Variants in KRT2 observed in about 807,000 individuals in gnomAD.
KRT2 encodes keratin, type II cytoskeletal 2 epidermal.
In KRT2, 37 loss-of-function variants were observed where a neutral mutation model predicts 48.5. That is an observed-to-expected ratio of 0.76 (90% CI 0.59 to 1.00). The LOEUF (loss-of-function observed/expected upper bound fraction) is 1.00. Among genes scored for constraint, KRT2 ranks in the 50% least tolerant of loss-of-function variants. KRT2 has a pLI of 0.00. For synonymous variants in KRT2, 324 were observed against 312.2 expected (o/e 1.04, Z -0.40); for missense variants, 880 against 815.2 (o/e 1.08, Z -0.97).
rs764057322 is a variant in KRT2, at chr12:52,650,480, G to T, written c.659C>A (p.Thr220Asn). The T allele has an allele frequency of 1.2e-6, 2 of 1,613,922 alleles. No homozygotes were observed. The highest frequency in any genetic ancestry group is 2.2e-5 in the South Asian group (2 of 91,066). ...GATGGGCTCCAGGTTGATGGGGCGG[G>T]TGCCAACATTCATTTGTTGTAGCAG... The part of the protein sequence containing the change: ...WELLQQMNVG[T>N]RPINLEPIFQ... The change falls in exon 2 of 9, where the codon ACC (threonine) becomes AAC (asparagine). Residue 220 changes from threonine (T) to asparagine (N), a missense_variant. Physicochemically the swap from Thr to Asn is moderately conservative, Grantham distance 65. Coordinates refer to ENST00000309680, the MANE Select transcript of KRT2 (RefSeq NM_000423.3).
At chr12:52,645,459 C>T in intron 8 of KRT2, 25 bp from the exon 9 acceptor site, 1 of 1,614,192 alleles carries the variant, frequency 6.2e-7, no homozygotes, top group Non-Finnish European at 8.5e-7. Flanking sequence ...GGTGTTACCA[C>T]AGAGATTATG....
Position 52,644,850 on chromosome 12 carries a change from GAGA to G in KRT2, c.*166_*168del, listed in dbSNP as rs1288474788. 19 of 709,196 alleles carry G rather than the reference GAGA, an allele frequency of 2.7e-5. No homozygotes were observed. The highest frequency in any genetic ancestry group is 4.5e-5 in the Non-Finnish European group (19 of 424,376). 43.9% of individuals were successfully genotyped at this position (709,196 alleles called of 1,614,324 possible). ...ACTGGCTCTAACTAACTGGTTTGGA[GAGA>G]AGATCTTTCAAAAACTGTATGTGGA... On this transcript the variant is annotated 3_prime_UTR_variant, in exon 9 of 9. Transcript: ENST00000309680.
chr12:52,651,828 G>A lies in KRT2; in HGVS notation c.315C>T (p.Gly105=), dbSNP rs1565640838. ...CGAAACCACCACCACTGAAGCCGCT[G>A]CCACCTCCAAAGCTGCTGCCGCCTC... ...GFGGGSSFGG[G]SGFSGGGFGG... is the part of the protein sequence containing the mutation. The change falls in exon 1 of 9, where the codon GGC becomes GGT. Residue 105 remains glycine, a synonymous_variant. Transcript: ENST00000309680. 6.2e-7 allele frequency: 1 copy of A among 1,602,686 alleles called. No individual in the cohort carries two copies. Among genetic ancestry groups the A allele is most frequent in the Non-Finnish European group, 8.5e-7 (1 of 1,173,506 alleles).
chr12:52,648,115 G>A, intron 5 of KRT2, 58 bp downstream of exon 5: 2 of 1,573,942 alleles, frequency 1.3e-6, no homozygotes, highest in African/African-American at 1.3e-5. Flanking sequence ...TTCCAGCTGG[G>A]GGTGCAACCC....
rs1341771424 is a variant in KRT2 at position 52,646,909 on chromosome 12, C to T, written c.1300G>A (p.Ala434Thr). 3 of 1,614,202 alleles carry T rather than the reference C, an allele frequency of 1.9e-6. No homozygotes were observed. The East Asian group carries it at 6.7e-5, about 36-fold the overall frequency. The change falls in exon 7 of 9, where the codon GCC becomes ACC. Residue 434 changes from alanine (A) to threonine (T), a missense_variant. Transcript: ENST00000309680. Reference sequence around the variant, plus strand: ...AACTTGTTCCTGGCATCCTTGAGGGCATGCTCCCCACGCTGCTCGGCATCT... The same window carrying T: ...AACTTGTTCCTGGCATCCTTGAGGGTATGCTCCCCACGCTGCTCGGCATCT... ...IADAEQRGEH[A>T]LKDARNKLND...
At position 52,651,965 on chromosome 12, in the gene KRT2, T is replaced by A. The variant is rs1941259989; in HGVS notation, c.178A>T (p.Ser60Cys). ...GGGFGGGGFG[S>C]RSLVGLGGTK... ...CCTCCAAGGCCAACAAGACTCCGACTGCCAAAGCCGCCTCCACCGAAGCCC... is the reference window on the plus strand; with the variant it reads ...CCTCCAAGGCCAACAAGACTCCGACAGCCAAAGCCGCCTCCACCGAAGCCC... The change falls in exon 1 of 9, where the codon AGT (serine) becomes TGT (cysteine). Residue 60 changes from serine to cysteine, a missense_variant. By Grantham distance (112) the Ser-to-Cys change is moderately radical. Transcript: ENST00000309680. 6.2e-7 allele frequency: 1 copy of A among 1,613,094 alleles called. No individual in the cohort carries two copies. The highest frequency in any genetic ancestry group is 1.7e-5 in the Admixed American group (1 of 59,944).
chr12:52,651,758 G>A lies in KRT2; in HGVS notation c.385C>T (p.Pro129Ser), dbSNP rs1157727630. 4 of 1,613,518 alleles carry A rather than the reference G, an allele frequency of 2.5e-6. No individual in the cohort carries two copies. The highest frequency in any genetic ancestry group is 3.4e-6 in the Non-Finnish European group (4 of 1,179,818). ...GGGRFGGFGG[P>S]GGVGGLGGPG... is the part of the protein sequence containing the mutation. ...CCCCCTAAACCTCCAACACCACCAG[G>A]GCCCCCAAAACCTCCAAAGCGGCCT... is the stretch of plus-strand genomic sequence containing the variant. The change falls in exon 1 of 9, where the codon CCT becomes TCT. Residue 129 changes from proline (P) to serine (S), a missense_variant. Pro to Ser is a moderately conservative substitution (Grantham distance 74, BLOSUM62 -1). Transcript: ENST00000309680.
chr12:52,645,676 GC>G, intron 7 of KRT2, 107 bp from the exon 8 acceptor site: 1 of 1,125,276 alleles, frequency 8.9e-7, no homozygotes, highest in Non-Finnish European at 1.4e-6. Context: ...TCTCTAAGCA[GC>G]CACCAGGGCT....
rs533615176 is a variant in KRT2 at position 52,646,390 on chromosome 12, G to C, written c.1469+350C>G. On this transcript the variant is annotated intron_variant, in intron 7 of 8. Coordinates refer to ENST00000309680, the MANE Select transcript of KRT2 (RefSeq NM_000423.3). ...CCCATTCTGGGTCACCCGGTGGAGGGCACAGAAGCCACTCACCCTATGGAC... is the reference window on the plus strand; with the variant it reads ...CCCATTCTGGGTCACCCGGTGGAGGCCACAGAAGCCACTCACCCTATGGAC... 2.0e-5 allele frequency among the ~76,000 whole-genome samples: 3 copies of C among 152,328 alleles called. No individual in the cohort carries two copies. The East Asian group carries it at 5.8e-4, about 29-fold the overall frequency.
chr12:52,648,020 G>A (rs1392653571), intron 5 of KRT2, among the ~76,000 whole-genome samples, 153 bp downstream of exon 5: 1 of 152,170 alleles, frequency 6.6e-6, no homozygotes, highest in Non-Finnish European at 1.5e-5. Flanking sequence ...ATGCCCAAAA[G>A]GACTTGGTGC....
In KRT2 at chr12:52,645,546, T is replaced by C. The variant is rs748496878; in HGVS notation, c.1493A>G (p.Asn498Ser). The C allele has an allele frequency of 1.9e-6, 3 of 1,614,198 alleles. No homozygotes were observed. Among genetic ancestry groups the C allele is most frequent in the Admixed American group, 3.3e-5 (2 of 60,030 alleles). ...ECRMSGDLSS[N>S]VTVSVTSSTI... ...ACCCCATTACTTACACACAGTCACA[T>C]TGCTGCTGAGGTCTCCAGACATCCT... is the stretch of plus-strand genomic sequence containing the variant. The change falls in exon 8 of 9, where the codon AAT (asparagine) becomes AGT (serine). Residue 498 changes from asparagine (N) to serine (S), a missense_variant. Physicochemically the swap from Asn to Ser is conservative, Grantham distance 46 (BLOSUM62 1). Coordinates refer to ENST00000309680, the MANE Select transcript of KRT2 (RefSeq NM_000423.3).
chr12:52,650,530 G>T lies in KRT2; in HGVS notation c.609C>A (p.Asn203Lys). The T allele has an allele frequency of 6.2e-7, 1 of 1,612,512 alleles. No homozygotes were observed. The highest frequency in any genetic ancestry group is 8.5e-7 in the Non-Finnish European group (1 of 1,179,938). Residue 203 changes from asparagine (N) to lysine (K), a missense_variant, in exon 2 of 9, where the codon AAC (asparagine) becomes AAA (lysine). Asn to Lys is a moderately conservative substitution (Grantham distance 94, BLOSUM62 0). Coordinates refer to ENST00000309680, the MANE Select transcript of KRT2 (RefSeq NM_000423.3). ...GCTCCCATTTGGTCTGTAACACCTG[G>T]TTCTGCTGCTCCAAGAACCGCACCT... ...IDKVRFLEQQNQVLQTKWELL... is the reference protein window; with the variant it reads ...IDKVRFLEQQKQVLQTKWELL...
intron 1 of KRT2, among the ~76,000 whole-genome samples, 178 bp downstream of exon 1, chr12:52,651,380 T>G (rs958290784): frequency 6.6e-6 from 1 of 152,222 alleles, no homozygotes; most frequent in African/African-American, 2.4e-5. Flanking sequence ...TGCAGGCTGT[T>G]ATGGGAAATG....
chr12:52,651,861 A>G lies in KRT2; in HGVS notation c.282T>C (p.Gly94=), dbSNP rs765709207. The change falls in exon 1 of 9, where the codon GGT becomes GGC. Residue 94 remains glycine, a synonymous_variant. Coordinates refer to ENST00000309680, the MANE Select transcript of KRT2 (RefSeq NM_000423.3). The part of the protein sequence containing the change: ...GAAGGFGGRG[G]GFGGGSSFGG... ...CAAAGCTGCTGCCGCCTCCAAAACC[A>G]CCTCCTCTGCCACCAAATCCACCAG... The G allele has an allele frequency of 2.5e-5, 30 of 1,194,692 alleles. No individual in the cohort carries two copies. Among genetic ancestry groups the G allele is most frequent in the South Asian group, 7.1e-5 (5 of 70,604 alleles). The allele number at this position is 1,194,692 out of a possible 1,614,324, so 74.0% of individuals were successfully genotyped here.
At chr12:52,646,225 A>G (rs1311754577) in intron 7 of KRT2, among the ~76,000 whole-genome samples, 2 of 152,214 alleles carry the variant, frequency 1.3e-5, no homozygotes, top group Non-Finnish European at 2.9e-5. Flanking sequence ...GTCTCAGACT[A>G]CAGAGGAAGC....
In KRT2 at chr12:52,645,276, C is replaced by T. The variant is rs1334450226; in HGVS notation, c.1663G>A (p.Gly555Arg). ...QSGSRGGSGG[G>R]GSISGGGYGS... ...TATCCTCCTCCAGAGATAGAACCTC[C>T]TCCTCCACTACCGCCTCTGGAGCCA... is the stretch of plus-strand genomic sequence containing the variant. The change falls in exon 9 of 9, where the codon GGA becomes AGA. Residue 555 changes from glycine to arginine, a missense_variant. Transcript: ENST00000309680. The T allele has an allele frequency of 1.2e-6, 2 of 1,614,182 alleles. No individual in the cohort carries two copies. The highest frequency in any genetic ancestry group is 3.3e-5 in the Admixed American group (2 of 60,022).
At chr12:52,650,682 AT>A in intron 1 of KRT2, 129 bp from the exon 2 acceptor site, 1 of 773,492 alleles carries the variant, frequency 1.3e-6, no homozygotes. Context: ...ATGCCGAGTC[AT>A]GACTGGCAGA....
intron 3 of KRT2, 34 bp downstream of exon 3, chr12:52,649,880 T>C (rs1164972446): frequency 6.4e-7 from 1 of 1,568,468 alleles, no homozygotes; most frequent in African/African-American, 1.4e-5. Flanking sequence ...AGCACTCCTA[T>C]CCCCACCCCC....
At chr12:52,648,518 G>A (rs753099059) in intron 4 of KRT2, among the ~76,000 whole-genome samples, 181 bp from the exon 5 acceptor site, 14 of 152,224 alleles carry the variant, frequency 9.2e-5, no homozygotes, top group Non-Finnish European at 1.8e-4. Flanking sequence ...GAATTGTAGT[G>A]AGAGGCACCT....
Sources: allele counts gnomAD v4.1 joint callset (sites outside exome capture counted in the v4.1 genomes callset), GRCh38; gene constraint gnomAD v4.1.1; transcripts MANE v1.5; gene names NCBI Gene and HGNC (gene_info 2026-07-23, HGNC 2026-07-21).